The following FAM20A variants were observed in gnomAD, a reference collection of about 807,000 sequenced individuals.
FAM20A encodes the protein pseudokinase FAM20A.
FAM20A carries 42 observed loss-of-function variants against 52.0 expected under a neutral mutation model. The observed-to-expected ratio is 0.81, with a 90% CI of 0.63 to 1.04. The LOEUF (loss-of-function observed/expected upper bound fraction) is 1.04, where lower values mean the gene tolerates loss of function less well. Ranked by LOEUF, FAM20A falls within the 50% of genes least tolerant of loss-of-function variation. FAM20A has a pLI of 0.00. For synonymous variants in FAM20A, 304 were observed against 298.9 expected, an observed-to-expected ratio of 1.02 and a Z score of -0.18; for missense variants, 742 against 712.7, an observed-to-expected ratio of 1.04 and a Z score of -0.47.
chr17:68,553,950 ATATATG>A (rs2086961198), intron 3 of FAM20A, among the ~76,000 whole-genome samples: 1 of 107,566 alleles, frequency 9.3e-6, no homozygotes, highest in Admixed American at 8.5e-5. Flanking sequence ...ATATACACAC[ATATATG>A]CATATATACA....
chr17:68,600,659 C>A lies in FAM20A; in HGVS notation c.8G>T (p.Gly3Val), dbSNP rs201229220. MP[G>V]LRRDRLLTLL... ...AGTCAGTAGGCGGTCCCGGCGCAGC[C>A]CCGGCATGGCGTGCTGGCCAAGGGG... The change falls in exon 1 of 11, where the codon GGG (glycine) becomes GTG (valine). Residue 3 changes from glycine (G) to valine (V), a missense_variant. Gly to Val is a moderately radical substitution (Grantham distance 109). Coordinates refer to ENST00000592554, the MANE Select transcript of FAM20A (RefSeq NM_017565.4). The surrounding 1 kb of genome is among the most constrained non-coding windows in gnomAD (Gnocchi z 6.2). The A allele has an allele frequency of 6.5e-4, 1,002 of 1,544,822 alleles. 7 individuals carry two copies. The East Asian group carries it at 0.01, about 16-fold the overall frequency.
chr17:68,553,550 T>C (rs549182946), intron 3 of FAM20A, among the ~76,000 whole-genome samples: 48 of 152,224 alleles, frequency 3.2e-4, no homozygotes, highest in Non-Finnish European at 4.1e-4. Flanking sequence ...GTCACAGCAC[T>C]CCTGGAGGGG....
chr17:68,563,902 A>G (rs1431493973), intron 1 of FAM20A, among the ~76,000 whole-genome samples: 1 of 152,190 alleles, frequency 6.6e-6, no homozygotes, highest in African/African-American at 2.4e-5. Context: ...GGCCAAACAC[A>G]GGGCTCTGTT....
chr17:68,542,916 A>T, intron 5 of FAM20A, 107 bp from the exon 6 acceptor site: 1 of 865,058 alleles, frequency 1.2e-6, no homozygotes, highest in South Asian at 1.3e-5. Flanking sequence ...TGTACCCAGG[A>T]GGGTGGCCGG....
intron 1 of FAM20A, among the ~76,000 whole-genome samples, chr17:68,576,883 A>AC (rs1341176387): frequency 6.6e-6 from 1 of 152,206 alleles, no homozygotes; most frequent in Non-Finnish European, 1.5e-5. Context: ...AGGGCAGGCC[A>AC]GGAGGGACAT....
chr17:68,589,992 C>T (rs1189528156), intron 1 of FAM20A: 1 of 152,166 alleles, frequency 6.6e-6, no homozygotes, highest in Non-Finnish European at 1.5e-5. Flanking sequence ...GCTCACTTTG[C>T]AATCTCAGAA....
intron 1 of FAM20A, among the ~76,000 whole-genome samples, chr17:68,573,045 C>T (rs2087609836): frequency 6.6e-6 from 1 of 152,200 alleles, no homozygotes; most frequent in African/African-American, 2.4e-5. Flanking sequence ...GAAAGATTAT[C>T]TGCTTCAGCT....
intron 4 of FAM20A, among the ~76,000 whole-genome samples, chr17:68,550,545 T>C (rs77662628): frequency 6.6e-6 from 1 of 152,026 alleles, no homozygotes. Flanking sequence ...CATACCTGGA[T>C]AATTTTTGTA....
intron 4 of FAM20A, among the ~76,000 whole-genome samples, chr17:68,548,402 C>T (rs1222239351): frequency 4.6e-5 from 7 of 152,070 alleles, no homozygotes; most frequent in Non-Finnish European, 8.8e-5. Flanking sequence ...TGGTGGGCAG[C>T]GCCTTTAGTC....
Position 68,543,637 on chromosome 17 carries a change from A to G in FAM20A, c.804T>C (p.His268=), listed in dbSNP as rs762527004. 74 of 1,613,954 alleles carry G rather than the reference A, an allele frequency of 4.6e-5. No homozygotes were observed. The highest frequency in any genetic ancestry group is 5.8e-5 in the Non-Finnish European group (68 of 1,179,982). ...ATGGGGCCAGACCCTACCTGTCCAGATGGAAAGCTGCGATCTCAGCATTGT... is the reference window on the plus strand; with the variant it reads ...ATGGGGCCAGACCCTACCTGTCCAGGTGGAAAGCTGCGATCTCAGCATTGT... ...QRHNAEIAAF[H]LDRILDFRRV... Residue 268 remains histidine, a synonymous_variant, in exon 5 of 11, where the codon CAT becomes CAC. Transcript: ENST00000592554.
chr17:68,588,034 C>A (rs1441784015), intron 1 of FAM20A, among the ~76,000 whole-genome samples: 1 of 152,008 alleles, frequency 6.6e-6, no homozygotes, highest in East Asian at 1.9e-4. Context: ...ATGCTTGATT[C>A]ATCCAACCAC....
In FAM20A at chr17:68,542,032, A is replaced by C. The variant is rs775043701; in HGVS notation, c.1062T>G (p.Ser354=). 2 of 1,614,154 alleles carry C rather than the reference A, an allele frequency of 1.2e-6. No homozygotes were observed. ...AGGAGCGGATCCAGGGGTTGGGCACAGACAGCCTGGGGGCCAGGTTGAGGG... is the reference window on the plus strand; with the variant it reads ...AGGAGCGGATCCAGGGGTTGGGCACCGACAGCCTGGGGGCCAGGTTGAGGG... ...LPSLNLAPRL[S]VPNPWIRSYT... Residue 354 remains serine (S), a synonymous_variant, in exon 7 of 11, where the codon TCT becomes TCG. Coordinates refer to ENST00000592554, the MANE Select transcript of FAM20A (RefSeq NM_017565.4).
chr17:68,581,669 G>A (rs141707209), intron 1 of FAM20A, among the ~76,000 whole-genome samples: 3,470 of 149,528 alleles, frequency 0.023, 117 homozygotes, highest in African/African-American at 0.081. Context: ...TCCGCCTCCC[G>A]GGTTTAAGCG....
rs1365902075 is a variant in FAM20A at position 68,582,939 on chromosome 17, ACAGGCACACACCAC to A, written c.404+17310_404+17323del. ...CTTAGCCTCCCGAGTAGCTGGGATT[ACAGGCACACACCAC>A]CAGGCCCAGCTGATTTTTTTTTTTT... On this transcript the variant is annotated intron_variant, in intron 1 of 10. Transcript: ENST00000592554. Among the ~76,000 whole-genome samples, 9 of 150,052 alleles carry A rather than the reference ACAGGCACACACCAC, an allele frequency of 6.0e-5. 2 individuals are homozygous for A. Among genetic ancestry groups the A allele is most frequent in the African/African-American group, 2.2e-4 (9 of 40,748 alleles).
intron 1 of FAM20A, among the ~76,000 whole-genome samples, chr17:68,574,548 A>G (rs550794431): frequency 6.6e-6 from 1 of 152,228 alleles, no homozygotes; most frequent in Non-Finnish European, 1.5e-5. Flanking sequence ...AAGTTTTAAC[A>G]TGAATTTTGG....
chr17:68,558,907 T>C (rs1438820959), intron 1 of FAM20A, among the ~76,000 whole-genome samples: 4 of 152,126 alleles, frequency 2.6e-5, no homozygotes, highest in South Asian at 2.1e-4. Flanking sequence ...TACAGGTGCA[T>C]GCCACCATGC....
At chr17:68,541,029 C>T (rs1439671118) in intron 7 of FAM20A, 71 bp from the exon 8 acceptor site, 5 of 1,542,180 alleles carry the variant, frequency 3.2e-6, no homozygotes, top group Non-Finnish European at 1.7e-6. Context: ...CCCCACACCT[C>T]CCCCTGCCCC....
At chr17:68,581,350 T>TTTTCTTTCTTCTTTC (rs1555831890) in intron 1 of FAM20A, among the ~76,000 whole-genome samples, 2 of 92,218 alleles carry the variant, frequency 2.2e-5, no homozygotes, top group African/African-American at 9.5e-5. Context: ...GAAATGCAGT[T>TTTTCTTTCTTCTTTC]TTTCTTTCTT....
chr17:68,600,506 G>T lies in FAM20A; in HGVS notation c.161C>A (p.Ala54Glu), dbSNP rs1210880060. 3 of 1,587,464 alleles carry T rather than the reference G, an allele frequency of 1.9e-6. No individual in the cohort carries two copies. Among genetic ancestry groups the T allele is most frequent in the African/African-American group, 2.7e-5 (2 of 74,242 alleles). Residue 54 changes from alanine to glutamate, a missense_variant, in exon 1 of 11, where the codon GCG (alanine) becomes GAG (glutamate). Coordinates refer to ENST00000592554, the MANE Select transcript of FAM20A (RefSeq NM_017565.4). This position sits in a 1 kb window ranked among gnomAD's most constrained non-coding sequence, Gnocchi z 6.2. ...CPCTGRASSL[A>E]RDSAAAASDP... ...CGAGGCAGCTGCGGCCGAGTCCCGCGCCAGGGAGGAGGCGCGGCCGGTGCA... is the reference window on the plus strand; with the variant it reads ...CGAGGCAGCTGCGGCCGAGTCCCGCTCCAGGGAGGAGGCGCGGCCGGTGCA...
Sources: gnomAD v4.1 joint callset for allele counts (sites outside exome capture counted in the v4.1 genomes callset) on GRCh38, gnomAD v4.1.1 for gene constraint, Gnocchi (gnomAD v3.1) non-coding constraint, MANE v1.5 for transcripts, NCBI Gene and HGNC (gene_info 2026-07-23, HGNC 2026-07-21) for gene names.